Variants in TMEM132D observed in about 807,000 individuals in gnomAD.
The protein encoded by TMEM132D is mature OL transmembrane protein.
Under a neutral mutation model 62.3 loss-of-function variants are expected in TMEM132D, and 21 were observed. That is an observed-to-expected ratio of 0.34 (90% confidence interval 0.24 to 0.49). The LOEUF is 0.49. TMEM132D is among the 20% of genes least tolerant of loss of function. The probability of loss-of-function intolerance (pLI) is 0.99; values close to 1 mark genes in which losing one functional copy is unlikely to be tolerated. For missense variants in TMEM132D, 1,346 were observed against 1,402.8 expected, an observed-to-expected ratio of 0.96 and a Z score of 0.65; for synonymous variants, 621 against 575.6, an observed-to-expected ratio of 1.08 and a Z score of -1.13.
At chr12:129,729,117 C>T (rs1869133979) in intron 1 of TMEM132D, among the ~76,000 whole-genome samples, 1 of 152,140 alleles carries the variant, frequency 6.6e-6, no homozygotes, top group Non-Finnish European at 1.5e-5. Flanking sequence ...AACAGAATAG[C>T]ACCCTTTAGG....
chr12:129,377,262 G>T (rs1870808404), intron 3 of TMEM132D, among the ~76,000 whole-genome samples: 2 of 152,120 alleles, frequency 1.3e-5, no homozygotes, highest in African/African-American at 4.8e-5. Flanking sequence ...CCTGTACCTT[G>T]ATTTTGGCCT....
chr12:129,080,609 C>T lies in TMEM132D; in HGVS notation c.1923+1150G>A, dbSNP rs570393513. On this transcript the variant is annotated intron_variant, in intron 7 of 8. Coordinates refer to ENST00000422113, the MANE Select transcript of TMEM132D (RefSeq NM_133448.3). Reference sequence around the variant, plus strand: ...CCTCATGCACAGCTGTTTTAGAAACCTCACAGATTGCCTGATAAGACAATC... The same window carrying T: ...CCTCATGCACAGCTGTTTTAGAAACTTCACAGATTGCCTGATAAGACAATC... Among the ~76,000 whole-genome samples the T allele has an allele frequency of 3.9e-5, 6 of 152,300 alleles. No homozygotes were observed. The East Asian group carries it at 1.2e-3, about 29-fold the overall frequency.
rs56861026 is a variant in TMEM132D, at chr12:129,648,068, T to C, written c.968+51742A>G. Among the ~76,000 whole-genome samples, 1,448 of 152,286 alleles carry C rather than the reference T, an allele frequency of 9.5e-3. 19 individuals carry two copies. The highest frequency in any genetic ancestry group is 0.033 in the African/African-American group (1,377 of 41,556). On this transcript the variant is annotated intron_variant, in intron 2 of 8. Transcript: ENST00000422113. ...ACCGCTTTGTAAAACCAATGCATTT[T>C]TCACAAGATTATAAATTACGGCTCA...
intron 3 of TMEM132D, among the ~76,000 whole-genome samples, chr12:129,392,074 T>G (rs1871304216): frequency 6.6e-6 from 1 of 151,208 alleles, no homozygotes; most frequent in Non-Finnish European, 1.5e-5. Flanking sequence ...TTCTTTTTTT[T>G]GAGATGGAGT....
chr12:129,844,513 A>G (rs949756980), intron 1 of TMEM132D, among the ~76,000 whole-genome samples: 1 of 152,220 alleles, frequency 6.6e-6, no homozygotes, highest in Non-Finnish European at 1.5e-5. Context: ...AGATTCCAGC[A>G]ATTTCACGGA....
intron 3 of TMEM132D, among the ~76,000 whole-genome samples, chr12:129,377,415 T>C (rs926765002): frequency 1.3e-5 from 2 of 152,128 alleles, no homozygotes; most frequent in African/African-American, 4.8e-5. Flanking sequence ...TAATTCAAGA[T>C]GGGGTGTGAG....
rs975496863 is a variant in TMEM132D at position 129,464,396 on chromosome 12, A to G, written c.1115+66663T>C. 2.8e-3 allele frequency among the ~76,000 whole-genome samples: 433 copies of G among 152,200 alleles called. 2 individuals carry two copies. The highest frequency in any genetic ancestry group is 9.7e-3 in the African/African-American group (402 of 41,522). On this transcript the variant is annotated intron_variant, in intron 3 of 8. Transcript: ENST00000422113. Reference sequence around the variant, plus strand: ...GCCCTTTGTCAGATGAGTAGGTTGCAAAAATTTTCTCCCATTTTGTAGGTT... The same window carrying G: ...GCCCTTTGTCAGATGAGTAGGTTGCGAAAATTTTCTCCCATTTTGTAGGTT...
intron 5 of TMEM132D, among the ~76,000 whole-genome samples, chr12:129,192,400 T>C (rs1878429508): frequency 6.6e-6 from 1 of 152,222 alleles, no homozygotes; most frequent in Admixed American, 6.5e-5. Context: ...ACACACTCAT[T>C]ATGTGATACT....
At chr12:129,864,243 C>T (rs1047681158) in intron 1 of TMEM132D, among the ~76,000 whole-genome samples, 2 of 152,194 alleles carry the variant, frequency 1.3e-5, no homozygotes, top group South Asian at 4.1e-4. Flanking sequence ...GATTCTCCAG[C>T]CCCTGTCAGG....
At chr12:129,209,908 A>G (rs1171234579) in intron 4 of TMEM132D, 1 of 521,450 alleles carries the variant, frequency 1.9e-6, no homozygotes. Context: ...AAGGTGGCGG[A>G]GGAAATTTAT....
At chr12:129,858,697 A>G (rs1873770802) in intron 1 of TMEM132D, among the ~76,000 whole-genome samples, 1 of 39,680 alleles carries the variant, frequency 2.5e-5, no homozygotes, top group African/African-American at 1.0e-4. Flanking sequence ...AGTCCGGGGA[A>G]ACGGGATGGG....
chr12:129,760,399 T>G (rs1361349176), intron 1 of TMEM132D, among the ~76,000 whole-genome samples: 1 of 144,010 alleles, frequency 6.9e-6, no homozygotes, highest in East Asian at 2.1e-4. Flanking sequence ...TGGCGCGATC[T>G]CGGCTCACTG....
Position 129,700,152 on chromosome 12 carries a change from A to C in TMEM132D, c.626T>G (p.Val209Gly), listed in dbSNP as rs919599027. The C allele has an allele frequency of 1.5e-5, 24 of 1,612,916 alleles. No homozygotes were observed. The highest frequency in any genetic ancestry group is 3.3e-5 in the Admixed American group (2 of 59,998). ...GTCCACGGACTTCCTCCTCCCGGCA[A>C]CCACCGTGGGGGGGCTGAACCAGCT... The part of the protein sequence containing the change: ...LSSWFSPPTV[V>G]AGRRKSVDQP... Residue 209 changes from valine (V) to glycine (G), a missense_variant, in exon 2 of 9, where the codon GTT becomes GGT. Val to Gly is a moderately radical substitution (Grantham distance 109). Coordinates refer to ENST00000422113, the MANE Select transcript of TMEM132D (RefSeq NM_133448.3).
chr12:129,815,552 C>T (rs1872320747), intron 1 of TMEM132D, among the ~76,000 whole-genome samples: 1 of 152,170 alleles, frequency 6.6e-6, no homozygotes, highest in Non-Finnish European at 1.5e-5. Context: ...TCTAGAACAC[C>T]ATCTAGCCGA....
intron 3 of TMEM132D, among the ~76,000 whole-genome samples, chr12:129,399,363 G>T (rs11060318): frequency 1.1e-3 from 20 of 17,730 alleles, no homozygotes; most frequent in African/African-American, 2.1e-3. Context: ...ACCCACTCCT[G>T]CAATAGCTAA....
chr12:129,227,323 A>ATATATG (rs1227710403), intron 4 of TMEM132D, among the ~76,000 whole-genome samples: 1 of 144,820 alleles, frequency 6.9e-6, no homozygotes, highest in Non-Finnish European at 1.5e-5. Flanking sequence ...ATATATATAT[A>ATATATG]TATGGCGCAA....
rs373688873 is a variant in TMEM132D at position 129,619,617 on chromosome 12, T to G, written c.968+80193A>C. On this transcript the variant is annotated intron_variant, in intron 2 of 8. Transcript: ENST00000422113. Reference sequence around the variant, plus strand: ...CAAATTGCCTTCATTTAAACTCAATTAACTTTTAACAGAAAAGGTATCACT... The same window carrying G: ...CAAATTGCCTTCATTTAAACTCAATGAACTTTTAACAGAAAAGGTATCACT... Among the ~76,000 whole-genome samples, 5 of 152,330 alleles carry G rather than the reference T, an allele frequency of 3.3e-5. No individual in the cohort carries two copies. In the East Asian group the frequency reaches 5.8e-4, roughly 18 times the overall value.
chr12:129,448,615 T>C (rs1418172725), intron 3 of TMEM132D, among the ~76,000 whole-genome samples: 2 of 152,246 alleles, frequency 1.3e-5, no homozygotes, highest in African/African-American at 4.8e-5. Flanking sequence ...ATTTTCTTTA[T>C]CCAGTCGGTC....
At chr12:129,822,948 C>T (rs949465484) in intron 1 of TMEM132D, among the ~76,000 whole-genome samples, 8 of 152,130 alleles carry the variant, frequency 5.3e-5, no homozygotes, top group African/African-American at 1.2e-4. Flanking sequence ...TTTGTCACCC[C>T]CAATGTTGGG....
Sources: allele counts gnomAD v4.1 joint callset (sites outside exome capture counted in the v4.1 genomes callset), GRCh38; gene constraint gnomAD v4.1.1; transcripts MANE v1.5; gene names NCBI Gene and HGNC (gene_info 2026-07-23, HGNC 2026-07-21).